Variants in ATM observed in about 807,000 individuals in gnomAD.
ATM encodes ATM serine/threonine kinase.
A neutral mutation model predicts 387.0 loss-of-function variants in ATM; 308 were observed. The observed-to-expected ratio is 0.80, with a 90% CI of 0.73 to 0.87. The LOEUF is 0.87. ATM is among the 40% of genes least tolerant of loss of function. ATM has a pLI of 0.00. For missense variants in ATM, 3,312 were observed against 3,560.9 expected, an observed-to-expected ratio of 0.93 and a Z score of 1.78; for synonymous variants, 1,156 against 1,187.3, an observed-to-expected ratio of 0.97 and a Z score of 0.54.
In ATM at chr11:108,248,888, CAA is replaced by C. The variant is rs35813860; in HGVS notation, c.1066-32_1066-31del. On this transcript the variant is annotated intron_variant, in intron 8 of 62. Transcript: ENST00000675843. ...GGGCAACAACAGCGAAACTCTGGCT[CAA>C]AAAAAAAAAAAAGAAAAAAGTGGAT... 7.1e-3 allele frequency: 8,444 copies of C among 1,182,894 alleles called. No individual in the cohort carries two copies. The highest frequency in any genetic ancestry group is 9.6e-3 in the Admixed American group (356 of 37,002). The allele number at this position is 1,182,894 out of a possible 1,614,324, so 73.3% of individuals were successfully genotyped here.
chr11:108,268,851 T>G (rs941376459), intron 18 of ATM, among the ~76,000 whole-genome samples: 1 of 152,246 alleles, frequency 6.6e-6, no homozygotes, highest in Non-Finnish European at 1.5e-5. Context: ...GGTTTAATTG[T>G]TATAAATTAT....
chr11:108,291,813 A>T (rs1175162379), intron 29 of ATM, among the ~76,000 whole-genome samples: 1 of 152,230 alleles, frequency 6.6e-6, no homozygotes, highest in African/African-American at 2.4e-5. Context: ...GCTTGGGATC[A>T]GCCCCAAATA....
In ATM at chr11:108,247,213, T is replaced by C. The variant is rs566463625; in HGVS notation, c.1065+86T>C. The C allele has an allele frequency of 2.0e-5, 27 of 1,355,006 alleles. No homozygotes were observed. The South Asian group carries it at 2.3e-4, about 11-fold the overall frequency. The allele number at this position is 1,355,006 out of a possible 1,614,324, so 83.9% of individuals were successfully genotyped here. A position where few individuals can be genotyped will look rare whatever the true frequency, so the allele number is the denominator to read the frequency against. On this transcript the variant is annotated intron_variant, in intron 8 of 62. Coordinates refer to ENST00000675843, the MANE Select transcript of ATM (RefSeq NM_000051.4). ...GCATTTTGGGCTTTTAAAACCTGTG[T>C]TCTCACAAAAAGCCTATAAAATGAC...
chr11:108,366,039 A>C lies in ATM; in HGVS notation c.*531A>C, dbSNP rs2091307782. The C allele has an allele frequency of 5.8e-6, 1 of 173,790 alleles. No homozygotes were observed. Among genetic ancestry groups the C allele is most frequent in the Non-Finnish European group, 1.2e-5 (1 of 80,518 alleles). The allele number at this position is 173,790 out of a possible 1,614,324, so 10.8% of individuals were successfully genotyped here. On this transcript the variant is annotated 3_prime_UTR_variant, in exon 63 of 63. Transcript: ENST00000675843. ...AGCGAAACTCCATCTCAAAAAAAAA[A>C]AAAAAAAAACAGAAACGTATTTGGA...
rs1565390942 is a variant in ATM, at chr11:108,254,044, G to A, written c.2124+5G>A. On this transcript the variant is annotated splice_donor_5th_base_variant and intron_variant, in intron 13 of 62. Transcript: ENST00000675843. ...CTGAATAATTACTCATCTGAGGTGA[G>A]ATTTTTTAAAAAAAGAACTAAGCTT... The A allele has an allele frequency of 6.2e-7, 1 of 1,612,278 alleles. No individual in the cohort carries two copies. The highest frequency in any genetic ancestry group is 8.5e-7 in the Non-Finnish European group (1 of 1,179,234).
In ATM at chr11:108,345,803, T is replaced by A. The variant is rs370152402; in HGVS notation, c.8479T>A (p.Phe2827Ile). Residue 2827 changes from phenylalanine to isoleucine, a missense_variant, in exon 58 of 63, where the codon TTT becomes ATT. By Grantham distance (21) the Phe-to-Ile change is conservative. Coordinates refer to ENST00000675843, the MANE Select transcript of ATM (RefSeq NM_000051.4). ...YEVFMDVCQN[F>I]QPVFRYFCME... is the part of the protein sequence containing the mutation. ...AGTCTTCATGGATGTTTGCCAAAATTTTCAACCAGTTTTCCGTTACTTCTG... is the reference window on the plus strand; with the variant it reads ...AGTCTTCATGGATGTTTGCCAAAATATTCAACCAGTTTTCCGTTACTTCTG... The A allele has an allele frequency of 6.2e-7, 1 of 1,613,796 alleles. No individual in the cohort carries two copies. Among genetic ancestry groups the A allele is most frequent in the African/African-American group, 1.3e-5 (1 of 74,918 alleles).
At chr11:108,272,307 T>G (rs2081625335) in intron 20 of ATM, among the ~76,000 whole-genome samples, 1 of 152,200 alleles carries the variant, frequency 6.6e-6, no homozygotes, top group African/African-American at 2.4e-5. Flanking sequence ...AAAAAGGACA[T>G]AATGGTATAA....
chr11:108,262,182 C>G (rs928468812), intron 16 of ATM, among the ~76,000 whole-genome samples: 6 of 152,158 alleles, frequency 3.9e-5, no homozygotes, highest in African/African-American at 1.4e-4. Context: ...ACATAATTGT[C>G]AGATTCACCA....
intron 12 of ATM, 32 bp downstream of exon 12, chr11:108,252,944 T>A (rs2135355938): frequency 6.6e-7 from 1 of 1,516,462 alleles, no homozygotes; most frequent in Non-Finnish European, 9.1e-7. Context: ...TTTATCATTT[T>A]AAGCTATAGC....
chr11:108,364,866 C>T (rs1310738139), intron 61 of ATM, among the ~76,000 whole-genome samples: 2 of 152,162 alleles, frequency 1.3e-5, no homozygotes, highest in Non-Finnish European at 2.9e-5. Context: ...TCACCCCTAA[C>T]CATGGAGGAA....
Position 108,343,351 on chromosome 11 carries a change from C to A in ATM, c.8398C>A (p.Gln2800Lys). 2 of 1,613,878 alleles carry A rather than the reference C, an allele frequency of 1.2e-6. No homozygotes were observed. Among genetic ancestry groups the A allele is most frequent in the Non-Finnish European group, 1.7e-6 (2 of 1,179,866 alleles). ...RYRPNDFSAFQCQKKMMEVQK... is the reference protein window; with the variant it reads ...RYRPNDFSAFKCQKKMMEVQK... The stretch of plus-strand genomic sequence containing the variant: ...CAGGCCAAATGATTTCAGTGCCTTT[C>A]AGTGCCAAAAGAAAATGATGGTGAG... Residue 2800 changes from glutamine to lysine, a missense_variant, in exon 57 of 63, where the codon CAG becomes AAG. Gln to Lys is a moderately conservative substitution (Grantham distance 53). Around this residue, in one of 4 missense-constraint regions of ATM, gnomAD observed 1,405 missense variants for 1,604.4 expected, o/e 0.88. Transcript: ENST00000675843.
chr11:108,301,792 C>A lies in ATM; in HGVS notation c.5319+3C>A, dbSNP rs371640963. On this transcript the variant is annotated splice_donor_region_variant and intron_variant, in intron 35 of 62. Coordinates refer to ENST00000675843, the MANE Select transcript of ATM (RefSeq NM_000051.4). ...CTTTTAGAACATCAAGAAAAAAGGT[C>A]TCTTAAGTAATAAATGTTTATTGAA... The A allele has an allele frequency of 1.9e-6, 3 of 1,613,024 alleles. No homozygotes were observed. The highest frequency in any genetic ancestry group is 2.5e-6 in the Non-Finnish European group (3 of 1,179,460).
rs2091418993 is a variant in ATM, at chr11:108,367,964, T to C, written c.*2456T>C. On this transcript the variant is annotated 3_prime_UTR_variant, in exon 63 of 63. Coordinates refer to ENST00000675843, the MANE Select transcript of ATM (RefSeq NM_000051.4). ...GCCCTGAAATCTTCATGGGTGAAAT[T>C]AGAAATTATCAACTAGATAATAGTA... 1 of 204,992 alleles carries C rather than the reference T, an allele frequency of 4.9e-6. No individual in the cohort carries two copies. The highest frequency in any genetic ancestry group is 2.3e-5 in the African/African-American group (1 of 43,850). The allele number at this position is 204,992 out of a possible 1,614,324, so 12.7% of individuals were successfully genotyped here.
chr11:108,321,699 C>A (rs2136249481), intron 45 of ATM, among the ~76,000 whole-genome samples: 1 of 151,864 alleles, frequency 6.6e-6, no homozygotes, highest in South Asian at 2.1e-4. Context: ...AGGAAAATTG[C>A]TTGAACCCAG....
chr11:108,322,610 G>C (rs1412924536), intron 45 of ATM, among the ~76,000 whole-genome samples: 1 of 152,182 alleles, frequency 6.6e-6, no homozygotes, highest in African/African-American at 2.4e-5. Context: ...AAATAGTATA[G>C]TTACTCAGGA....
chr11:108,300,878 C>CTT (rs11305754), intron 34 of ATM, among the ~76,000 whole-genome samples: 569 of 102,608 alleles, frequency 5.5e-3, no homozygotes, highest in African/African-American at 7.0e-3. Context: ...TCATCTCTCT[C>CTT]TTTTTTTTTT....
chr11:108,261,718 G>T (rs228601), intron 16 of ATM, among the ~76,000 whole-genome samples: 79,201 of 151,568 alleles, frequency 0.52, 21,532 homozygotes, highest in Middle Eastern at 0.73. Context: ...CAAGGGCAAA[G>T]AAGTTGAAAA....
In ATM at chr11:108,287,692, C is replaced by T. The variant is rs2135737431; in HGVS notation, c.4086C>T (p.Ser1362=). 1 of 1,613,272 alleles carries T rather than the reference C, an allele frequency of 6.2e-7. No individual in the cohort carries two copies. The highest frequency in any genetic ancestry group is 1.3e-5 in the African/African-American group (1 of 75,022). The change falls in exon 27 of 63, where the codon AGC becomes AGT. Residue 1362 remains serine, a synonymous_variant. Transcript: ENST00000675843. ...HEPANSSASQ[S]TDLCDFSGDL... is the part of the protein sequence containing the mutation. Reference sequence around the variant, plus strand: ...CAGCAAATTCTAGTGCCAGTCAGAGCACTGACCTCTGTGACTTTTCAGGGT... The same window carrying T: ...CAGCAAATTCTAGTGCCAGTCAGAGTACTGACCTCTGTGACTTTTCAGGGT...
At chr11:108,313,419 C>G (rs1330119800) in intron 40 of ATM, among the ~76,000 whole-genome samples, 3 of 152,196 alleles carry the variant, frequency 2.0e-5, no homozygotes, top group African/African-American at 7.2e-5. Flanking sequence ...CATTTCCCCC[C>G]CTTCCATTTA....
Sources: allele counts gnomAD v4.1 joint callset (sites outside exome capture counted in the v4.1 genomes callset), GRCh38; gene constraint gnomAD v4.1.1; regional missense constraint gnomAD v4.1.1; transcripts MANE v1.5; gene names NCBI Gene and HGNC (gene_info 2026-07-23, HGNC 2026-07-21).